Variants in ZNF521 observed in about 807,000 individuals in gnomAD.
The protein encoded by ZNF521 is LYST-interacting protein 3.
Under a neutral mutation model 105.5 loss-of-function variants are expected in ZNF521, and 14 were observed. That is an observed-to-expected ratio of 0.13 (90% confidence interval 0.09 to 0.21). ZNF521 has a LOEUF of 0.21. Among genes scored for constraint, ZNF521 ranks in the 10% least tolerant of loss-of-function variants. The pLI is 1.00. For missense variants in ZNF521, 1,233 were observed against 1,629.7 expected (o/e 0.76, Z 4.19); for synonymous variants, 635 against 606.0 (o/e 1.05, Z -0.70).
At chr18:25,311,224 A>G (rs1189563953) in intron 3 of ZNF521, among the ~76,000 whole-genome samples, 1 of 152,102 alleles carries the variant, frequency 6.6e-6, no homozygotes, top group Non-Finnish European at 1.5e-5. Context: ...CCCTAAAGAC[A>G]AGATCCCCAA....
chr18:25,160,911 C>T (rs2035239400), intron 5 of ZNF521, among the ~76,000 whole-genome samples: 1 of 152,012 alleles, frequency 6.6e-6, no homozygotes, highest in Admixed American at 6.6e-5. Flanking sequence ...ATTTTGGGCA[C>T]CAAACTGAAT....
intron 2 of ZNF521, chr18:25,327,408 C>T: frequency 8.6e-7 from 1 of 1,158,518 alleles, no homozygotes; most frequent in Non-Finnish European, 1.1e-6. Flanking sequence ...GTACTCACAA[C>T]TAGCCTTCTA....
intron 5 of ZNF521, among the ~76,000 whole-genome samples, chr18:25,093,086 A>G (rs184469889): frequency 4.7e-4 from 71 of 152,230 alleles, no homozygotes; most frequent in Admixed American, 1.8e-3. Flanking sequence ...CTATGAGAAA[A>G]ACTACTATTA....
At chr18:25,089,175 A>C (rs1275601286) in intron 7 of ZNF521, among the ~76,000 whole-genome samples, 1 of 152,190 alleles carries the variant, frequency 6.6e-6, no homozygotes, top group African/African-American at 2.4e-5. Context: ...CATGACAAGC[A>C]AGGTGAATGA....
At chr18:25,316,434 TG>T (rs1333982002) in intron 3 of ZNF521, among the ~76,000 whole-genome samples, 6 of 69,496 alleles carry the variant, frequency 8.6e-5, no homozygotes, top group East Asian at 5.3e-4. Context: ...CAGCCAGGGG[TG>T]GGGGGTGGGG....
intron 5 of ZNF521, among the ~76,000 whole-genome samples, chr18:25,119,982 C>T (rs565942830): frequency 9.2e-5 from 14 of 152,078 alleles, no homozygotes; most frequent in East Asian, 7.7e-4. Flanking sequence ...TTATCAGGAA[C>T]GAATAAGTGG....
chr18:25,334,913 A>G (rs1447002587), intron 2 of ZNF521, among the ~76,000 whole-genome samples: 1 of 152,226 alleles, frequency 6.6e-6, no homozygotes, highest in East Asian at 1.9e-4. Context: ...GTTTGTTAAT[A>G]TGACAGTCCT....
chr18:25,065,029 C>T (rs372231426), intron 7 of ZNF521, among the ~76,000 whole-genome samples: 9 of 152,140 alleles, frequency 5.9e-5, no homozygotes, highest in East Asian at 3.9e-4. Context: ...CTAATGAGAC[C>T]GAAAAACTTT....
chr18:25,336,545 C>T (rs1913890914), intron 2 of ZNF521, among the ~76,000 whole-genome samples: 2 of 152,140 alleles, frequency 1.3e-5, no homozygotes, highest in African/African-American at 2.4e-5. Flanking sequence ...TTTATGCTTC[C>T]ATTATCTTTT....
intron 5 of ZNF521, among the ~76,000 whole-genome samples, chr18:25,150,069 G>A (rs2035017373): frequency 6.6e-6 from 1 of 152,132 alleles, no homozygotes; most frequent in African/African-American, 2.4e-5. Context: ...GCTTATATTA[G>A]ATAATAACTA....
chr18:25,067,640 C>A (rs975859208), intron 7 of ZNF521, among the ~76,000 whole-genome samples: 5 of 152,194 alleles, frequency 3.3e-5, no homozygotes, highest in Non-Finnish European at 7.3e-5. Flanking sequence ...TAAAGACATT[C>A]CATTTTCCTG....
At chr18:25,337,150 C>A (rs546946398) in intron 2 of ZNF521, among the ~76,000 whole-genome samples, 1 of 152,144 alleles carries the variant, frequency 6.6e-6, no homozygotes, top group African/African-American at 2.4e-5. Context: ...AAATATTCTG[C>A]GAGGTTGGGG....
chr18:25,345,321 G>T (rs1035944120), intron 2 of ZNF521: 1 of 152,180 alleles, frequency 6.6e-6, no homozygotes, highest in Non-Finnish European at 1.5e-5. Context: ...GATAACTACA[G>T]TGGTTTTTAA....
intron 3 of ZNF521, among the ~76,000 whole-genome samples, chr18:25,296,633 T>C (rs1267110907): frequency 6.6e-6 from 1 of 152,186 alleles, no homozygotes; most frequent in Admixed American, 6.5e-5. Flanking sequence ...CACAATGGTG[T>C]ACACATCTAA....
rs370722795 is a variant in ZNF521 at position 25,172,745 on chromosome 18, A to T, written c.3658+22415T>A. Among the ~76,000 whole-genome samples the T allele has an allele frequency of 5.3e-4, 80 of 152,250 alleles. 2 individuals are homozygous for T. The South Asian group carries it at 0.016, about 31-fold the overall frequency. On this transcript the variant is annotated intron_variant, in intron 5 of 7. Transcript: ENST00000361524. ...ATGGAAAGGGAGTTCCTTTACTTCCATTTCCATTCTTGTAGTAACATACCC... is the reference window on the plus strand; with the variant it reads ...ATGGAAAGGGAGTTCCTTTACTTCCTTTTCCATTCTTGTAGTAACATACCC...
At chr18:25,285,090 T>C (rs1264888357) in intron 3 of ZNF521, among the ~76,000 whole-genome samples, 2 of 151,392 alleles carry the variant, frequency 1.3e-5, no homozygotes, top group African/African-American at 4.8e-5. Context: ...CTTCAACCCA[T>C]CTCTCTCAAA....
chr18:25,127,550 T>C (rs1054208917), intron 5 of ZNF521, among the ~76,000 whole-genome samples: 1 of 151,942 alleles, frequency 6.6e-6, no homozygotes, highest in Non-Finnish European at 1.5e-5. Flanking sequence ...AACACAATAA[T>C]GTTTTAGAAA....
intron 3 of ZNF521, among the ~76,000 whole-genome samples, chr18:25,310,925 CTACT>C (rs1912271477): frequency 6.6e-6 from 1 of 152,166 alleles, no homozygotes; most frequent in African/African-American, 2.4e-5. Context: ...GCCCAATAAC[CTACT>C]TAAATTCATT....
At chr18:25,325,128 T>C (rs995387373) in intron 2 of ZNF521, among the ~76,000 whole-genome samples, 1 of 152,216 alleles carries the variant, frequency 6.6e-6, no homozygotes, top group Admixed American at 6.5e-5. Flanking sequence ...CTTGGTGTAA[T>C]GAGTACTGGA....
Sources: allele counts gnomAD v4.1 joint callset (sites outside exome capture counted in the v4.1 genomes callset), GRCh38; gene constraint gnomAD v4.1.1; transcripts MANE v1.5; gene names NCBI Gene and HGNC (gene_info 2026-07-23, HGNC 2026-07-21).